Variants in EPHA3 observed in about 807,000 individuals in gnomAD.
The protein encoded by EPHA3 is ephrin type-A receptor 3.
In EPHA3, 42 loss-of-function variants were observed where a neutral mutation model predicts 107.1. The ratio of observed to expected loss-of-function variants is 0.39; its 90% CI spans 0.31 to 0.51. The LOEUF is 0.51. Ranked by LOEUF, EPHA3 falls within the 20% of genes least tolerant of loss-of-function variation. The probability of loss-of-function intolerance (pLI) is 0.78; values close to 1 mark genes in which losing one functional copy is unlikely to be tolerated. For synonymous variants in EPHA3, 461 were observed against 424.8 expected (o/e 1.09, Z -1.05); for missense variants, 1,183 against 1,211.2 (o/e 0.98, Z 0.35).
chr3:89,172,575 A>AT (rs1705234826), intron 2 of EPHA3, among the ~76,000 whole-genome samples: 1 of 152,170 alleles, frequency 6.6e-6, no homozygotes, highest in Non-Finnish European at 1.5e-5. Flanking sequence ...TAACCTTTCC[A>AT]TTGGTCACTC....
At chr3:89,111,853 A>G (rs1707118466) in intron 1 of EPHA3, among the ~76,000 whole-genome samples, 1 of 152,136 alleles carries the variant, frequency 6.6e-6, no homozygotes, top group Admixed American at 6.5e-5. Flanking sequence ...TAATCATACT[A>G]TTCCAGTCCT....
At chr3:89,238,488 C>T (rs1307384730) in intron 3 of EPHA3, among the ~76,000 whole-genome samples, 1 of 152,132 alleles carries the variant, frequency 6.6e-6, no homozygotes, top group Non-Finnish European at 1.5e-5. Context: ...GCTGTTAGAA[C>T]CACAGTTAAG....
chr3:89,306,163 C>T (rs1211154550), intron 3 of EPHA3, among the ~76,000 whole-genome samples: 2 of 152,056 alleles, frequency 1.3e-5, no homozygotes, highest in African/African-American at 2.4e-5. Context: ...CACGGTGGTA[C>T]TGGGGAGTTA....
chr3:89,412,308 T>A (rs1278678133), intron 9 of EPHA3, among the ~76,000 whole-genome samples: 1 of 151,692 alleles, frequency 6.6e-6, no homozygotes, highest in East Asian at 1.9e-4. Context: ...TGAACATTTT[T>A]ACCTTCAGAA....
intron 3 of EPHA3, among the ~76,000 whole-genome samples, chr3:89,275,769 G>A (rs4857502): frequency 0.22 from 34,069 of 151,804 alleles, 4,230 homozygotes; most frequent in Non-Finnish European, 0.27. Context: ...TCTGTATCAC[G>A]GAAAAATCTT....
intron 13 of EPHA3, among the ~76,000 whole-genome samples, chr3:89,444,048 TA>T (rs778102417): frequency 7.2e-5 from 11 of 152,266 alleles, no homozygotes; most frequent in Non-Finnish European, 1.6e-4. Flanking sequence ...AATACCAAGA[TA>T]ATACTACAGA....
intron 3 of EPHA3, among the ~76,000 whole-genome samples, chr3:89,214,098 T>G (rs1328592748): frequency 6.6e-6 from 1 of 152,026 alleles, no homozygotes; most frequent in Non-Finnish European, 1.5e-5. Flanking sequence ...ATGAGCCTAA[T>G]GCCAAAAAAA....
intron 9 of EPHA3, among the ~76,000 whole-genome samples, chr3:89,410,177 T>C (rs1709132019): frequency 6.6e-6 from 1 of 151,942 alleles, no homozygotes; most frequent in African/African-American, 2.4e-5. Context: ...TTTGTTTTTT[T>C]CCCCCAAATG....
intron 1 of EPHA3, among the ~76,000 whole-genome samples, chr3:89,109,032 A>G (rs1189571131): frequency 6.6e-6 from 1 of 152,166 alleles, no homozygotes; most frequent in African/African-American, 2.4e-5. Context: ...AAAACAAAAT[A>G]CTTAGAAAGT....
intron 3 of EPHA3, among the ~76,000 whole-genome samples, chr3:89,306,140 G>A (rs1706615319): frequency 6.6e-6 from 1 of 152,146 alleles, no homozygotes. Flanking sequence ...ATTTAATAAT[G>A]ATTAGTTTCT....
At chr3:89,215,120 G>A (rs1167468413) in intron 3 of EPHA3, among the ~76,000 whole-genome samples, 1 of 151,828 alleles carries the variant, frequency 6.6e-6, no homozygotes, top group Non-Finnish European at 1.5e-5. Flanking sequence ...CCTGACTCTG[G>A]ATAGAGCTAA....
In EPHA3 at chr3:89,399,412, T is replaced by A. The variant is rs2107508358; in HGVS notation, c.1526T>A (p.Ile509Asn). The change falls in exon 7 of 17, where the codon ATC becomes AAC. Residue 509 changes from isoleucine (I) to asparagine (N), a missense_variant. Ile to Asn is a moderately radical substitution (Grantham distance 149). Coordinates refer to ENST00000336596, the MANE Select transcript of EPHA3 (RefSeq NM_005233.6). The part of the protein sequence containing the change: ...LKPDTIYVFQ[I>N]RARTAAGYGT... ...CCTGACACTATATACGTATTCCAAA[T>A]CCGAGCCCGAACAGCCGCTGGATAT... The A allele has an allele frequency of 6.2e-7, 1 of 1,614,012 alleles. No individual in the cohort carries two copies. The highest frequency in any genetic ancestry group is 8.5e-7 in the Non-Finnish European group (1 of 1,179,994).
chr3:89,372,443 G>C (rs969423762), intron 5 of EPHA3, among the ~76,000 whole-genome samples: 39 of 151,228 alleles, frequency 2.6e-4, no homozygotes, highest in African/African-American at 9.0e-4. Flanking sequence ...ATATAGCACA[G>C]ACTTTTTATT....
At position 89,427,534 on chromosome 3, in the gene EPHA3, G is replaced by A. The variant is rs539716180; in HGVS notation, c.2075-1572G>A. 3.9e-5 allele frequency among the ~76,000 whole-genome samples: 6 copies of A among 151,974 alleles called. No homozygotes were observed. In the South Asian group the frequency reaches 6.2e-4, roughly 16 times the overall value. On this transcript the variant is annotated intron_variant, in intron 11 of 16. Coordinates refer to ENST00000336596, the MANE Select transcript of EPHA3 (RefSeq NM_005233.6). Reference sequence around the variant, plus strand: ...AGTACTCGGTTAATACTCAACTCACGTCTTCTGGACTTGGAAAAGGAGTGA... The same window carrying A: ...AGTACTCGGTTAATACTCAACTCACATCTTCTGGACTTGGAAAAGGAGTGA...
At chr3:89,419,180 T>C (rs748837730) in intron 10 of EPHA3, 25 bp from the exon 11 acceptor site, 1 of 1,541,640 alleles carries the variant, frequency 6.5e-7, no homozygotes, top group Non-Finnish European at 8.7e-7. Context: ...TCCTTACATT[T>C]TGTTGCTGTT....
chr3:89,359,185 T>C (rs1282926896), intron 5 of EPHA3, among the ~76,000 whole-genome samples: 2 of 151,116 alleles, frequency 1.3e-5, no homozygotes, highest in East Asian at 3.9e-4. Flanking sequence ...TGTCTAAAGT[T>C]TAGAAATGTT....
chr3:89,346,933 C>G (rs1330985938), intron 5 of EPHA3, among the ~76,000 whole-genome samples: 4 of 145,150 alleles, frequency 2.8e-5, no homozygotes, highest in East Asian at 2.0e-4. Flanking sequence ...GTTGTAGGTA[C>G]GCGGCGTTAT....
intron 2 of EPHA3, among the ~76,000 whole-genome samples, chr3:89,131,670 C>A (rs1351579559): frequency 1.3e-5 from 2 of 152,060 alleles, no homozygotes; most frequent in Non-Finnish European, 2.9e-5. Flanking sequence ...TGAGGACTGG[C>A]AGGGTTCAGG....
intron 2 of EPHA3, among the ~76,000 whole-genome samples, chr3:89,186,154 T>C (rs1311680299): frequency 1.3e-5 from 2 of 152,018 alleles, no homozygotes; most frequent in Non-Finnish European, 2.9e-5. Context: ...ACATTCATAA[T>C]TGGCAGTTAG....
Sources: gnomAD v4.1 joint callset for allele counts (sites outside exome capture counted in the v4.1 genomes callset) on GRCh38, gnomAD v4.1.1 for gene constraint, MANE v1.5 for transcripts, NCBI Gene and HGNC (gene_info 2026-07-23, HGNC 2026-07-21) for gene names.